The following CSMD3 variants were observed in gnomAD, a reference collection of about 807,000 sequenced individuals.
The protein encoded by CSMD3 is CUB and Sushi multiple domains 3, also known as CUB and sushi domain-containing protein 3.
A neutral mutation model predicts 435.2 loss-of-function variants in CSMD3; 177 were observed. The observed-to-expected ratio is 0.41, with a 90% CI of 0.36 to 0.46. CSMD3 has a LOEUF of 0.46. CSMD3 is among the 20% of genes least tolerant of loss of function. The probability of loss-of-function intolerance (pLI) is 0.34; values close to 1 mark genes in which losing one functional copy is unlikely to be tolerated. For missense variants in CSMD3, 4,265 were observed against 4,504.6 expected, an observed-to-expected ratio of 0.95 and a Z score of 1.52; for synonymous variants, 1,656 against 1,520.5, an observed-to-expected ratio of 1.09 and a Z score of -2.07.
intron 5 of CSMD3, among the ~76,000 whole-genome samples, chr8:113,084,590 A>C (rs1287047405): frequency 2.0e-5 from 3 of 148,608 alleles, no homozygotes; most frequent in African/African-American, 7.5e-5. Context: ...AAATATAAAA[A>C]ATATAAAAAA....
At chr8:113,034,657 C>T (rs2087261379) in intron 5 of CSMD3, among the ~76,000 whole-genome samples, 1 of 152,022 alleles carries the variant, frequency 6.6e-6, no homozygotes, top group African/African-American at 2.4e-5. Flanking sequence ...CTTTGACTTA[C>T]ACTATAAATG....
At chr8:112,258,940 G>T (rs183459642) in intron 61 of CSMD3, among the ~76,000 whole-genome samples, 2 of 152,044 alleles carry the variant, frequency 1.3e-5, no homozygotes, top group African/African-American at 4.8e-5. Flanking sequence ...TCAGAAGGCC[G>T]AGGCAGGAGA....
At chr8:112,542,345 G>GAAAAAAAAAAAAAAAAAAAAAAA (rs200297769) in intron 27 of CSMD3, among the ~76,000 whole-genome samples, 1 of 83,432 alleles carries the variant, frequency 1.2e-5, no homozygotes. Flanking sequence ...CCTCCAAAAT[G>GAAAAAAAAAAAAAAAAAAAAAAA]AAAAAAAAAA....
chr8:112,653,902 C>T (rs189185153), intron 18 of CSMD3, among the ~76,000 whole-genome samples: 2 of 152,226 alleles, frequency 1.3e-5, no homozygotes, highest in African/African-American at 4.8e-5. Flanking sequence ...TCGTGATCTG[C>T]CTGCCTTGGC....
chr8:113,016,279 C>A (rs2086454828), intron 6 of CSMD3, among the ~76,000 whole-genome samples: 1 of 151,808 alleles, frequency 6.6e-6, no homozygotes. Context: ...TGATATAGAA[C>A]TATGCTTTTT....
At chr8:113,425,144 A>G (rs1056537044) in intron 1 of CSMD3, among the ~76,000 whole-genome samples, 4 of 151,442 alleles carry the variant, frequency 2.6e-5, no homozygotes, top group East Asian at 1.9e-4. Flanking sequence ...TAAGTAACCC[A>G]CTGGTTGTTT....
chr8:112,756,145 C>G (rs1006252635), intron 13 of CSMD3, among the ~76,000 whole-genome samples: 1 of 152,042 alleles, frequency 6.6e-6, no homozygotes, highest in East Asian at 1.9e-4. Flanking sequence ...GCTGCCACTT[C>G]CATTTTAACA....
At chr8:112,741,015 T>C (rs1316724893) in intron 13 of CSMD3, among the ~76,000 whole-genome samples, 1 of 151,824 alleles carries the variant, frequency 6.6e-6, no homozygotes, top group Non-Finnish European at 1.5e-5. Flanking sequence ...GTTAAAGCCA[T>C]TACAATGTAT....
intron 10 of CSMD3, among the ~76,000 whole-genome samples, chr8:112,903,819 T>C (rs1346459185): frequency 1.3e-5 from 2 of 151,310 alleles, no homozygotes; most frequent in East Asian, 2.0e-4. Context: ...TCTAGATATT[T>C]TTTCTACCTT....
At chr8:112,818,823 CTG>C (rs1303138039) in intron 12 of CSMD3, among the ~76,000 whole-genome samples, 5 of 152,130 alleles carry the variant, frequency 3.3e-5, no homozygotes, top group Non-Finnish European at 5.9e-5. Flanking sequence ...AATACAGAAA[CTG>C]TGTGTTACCT....
chr8:112,605,959 G>A (rs1481763187), intron 22 of CSMD3, among the ~76,000 whole-genome samples: 1 of 152,054 alleles, frequency 6.6e-6, no homozygotes, highest in East Asian at 1.9e-4. Flanking sequence ...ATATGGCTCT[G>A]TACCTTACAC....
At chr8:113,220,097 T>G (rs903607008) in intron 3 of CSMD3, among the ~76,000 whole-genome samples, 1 of 151,350 alleles carries the variant, frequency 6.6e-6, no homozygotes, top group Non-Finnish European at 1.5e-5. Context: ...TTTGAAAAAA[T>G]TGGAAAGCTT....
At chr8:112,316,855 C>A (rs951931465) in intron 47 of CSMD3, among the ~76,000 whole-genome samples, 10 of 151,768 alleles carry the variant, frequency 6.6e-5, no homozygotes, top group African/African-American at 2.4e-4. Context: ...TTAAGTGAGA[C>A]ACATAGAGCT....
At chr8:112,584,718 G>T (rs1052939664) in intron 23 of CSMD3, among the ~76,000 whole-genome samples, 6 of 151,192 alleles carry the variant, frequency 4.0e-5, no homozygotes, top group Admixed American at 2.6e-4. Flanking sequence ...CCACATAAAA[G>T]AAAAAGCAAT....
intron 5 of CSMD3, among the ~76,000 whole-genome samples, chr8:113,062,906 C>T (rs565651785): frequency 5.2e-4 from 79 of 151,432 alleles, no homozygotes; most frequent in Non-Finnish European, 9.2e-4. Flanking sequence ...AAGTATTTTC[C>T]GCTTTTATAG....
At chr8:113,171,330 A>G (rs931587922) in intron 4 of CSMD3, among the ~76,000 whole-genome samples, 3 of 152,120 alleles carry the variant, frequency 2.0e-5, no homozygotes, top group East Asian at 1.9e-4. Context: ...TCCATAGTCA[A>G]TAAGTGGCAG....
At chr8:112,797,171 A>C (rs2078848946) in intron 13 of CSMD3, among the ~76,000 whole-genome samples, 2 of 152,004 alleles carry the variant, frequency 1.3e-5, no homozygotes, top group South Asian at 2.1e-4. Flanking sequence ...TTCATACATA[A>C]ATTTTTGTTC....
chr8:112,773,006 G>C (rs1214773415), intron 13 of CSMD3, among the ~76,000 whole-genome samples: 1 of 151,936 alleles, frequency 6.6e-6, no homozygotes, highest in African/African-American at 2.4e-5. Flanking sequence ...TCCCAGCACA[G>C]GTCCTCCACA....
At chr8:112,529,132 T>C (rs1417626119) in intron 27 of CSMD3, among the ~76,000 whole-genome samples, 1 of 152,130 alleles carries the variant, frequency 6.6e-6, no homozygotes, top group Non-Finnish European at 1.5e-5. Flanking sequence ...GAAAAAGAGT[T>C]GATCTAAGCA....
Sources: allele counts gnomAD v4.1 joint callset (sites outside exome capture counted in the v4.1 genomes callset), GRCh38; gene constraint gnomAD v4.1.1; transcripts MANE v1.5; gene names NCBI Gene and HGNC (gene_info 2026-07-23, HGNC 2026-07-21).